Variants in EYS observed in about 807,000 individuals in gnomAD.
EYS encodes the protein EGF-like photoreceptor maintenance factor, also known as protein eyes shut homolog.
Under a neutral mutation model 282.1 loss-of-function variants are expected in EYS, and 250 were observed. The observed-to-expected ratio is 0.89, with a 90% confidence interval of 0.80 to 0.98. The LOEUF is 0.98. Ranked by LOEUF, EYS falls within the 50% of genes least tolerant of loss-of-function variation. The pLI is 0.00. For missense variants in EYS, 4,016 were observed against 3,709.0 expected (o/e 1.08, Z -2.15); for synonymous variants, 1,355 against 1,282.9 (o/e 1.06, Z -1.20).
At chr6:65,671,676 A>T (rs1768394839) in intron 1 of EYS, among the ~76,000 whole-genome samples, 1 of 152,112 alleles carries the variant, frequency 6.6e-6, no homozygotes, top group Admixed American at 6.6e-5. Context: ...GAGACCAGCC[A>T]AGAGACTCCT....
chr6:64,099,041 A>T (rs1772734569), intron 31 of EYS, among the ~76,000 whole-genome samples: 1 of 152,196 alleles, frequency 6.6e-6, no homozygotes, highest in African/African-American at 2.4e-5. Context: ...AACACTTATA[A>T]GGCCACAGTG....
intron 35 of EYS, among the ~76,000 whole-genome samples, chr6:63,909,565 A>G (rs1195142326): frequency 1.3e-5 from 2 of 152,236 alleles, no homozygotes; most frequent in South Asian, 2.1e-4. Flanking sequence ...GCTGGTTGAC[A>G]TCAAGTTGGT....
rs1770450977 is a variant in EYS, at chr6:63,789,370, G to C, written c.7412-146C>G. 6 of 739,636 alleles carry C rather than the reference G, an allele frequency of 8.1e-6. No individual in the cohort carries two copies. In the South Asian group the frequency reaches 1.4e-4, roughly 17 times the overall value. The allele number at this position is 739,636 out of a possible 1,614,324, so 45.8% of individuals were successfully genotyped here. A position where few individuals can be genotyped will look rare whatever the true frequency, so the allele number is the denominator to read the frequency against. Reference sequence around the variant, plus strand: ...GTCTCTAGTCAGCATTTAGGTATATGTGCAACTGGCTGTTGTTATTCCCAG... The same window carrying C: ...GTCTCTAGTCAGCATTTAGGTATATCTGCAACTGGCTGTTGTTATTCCCAG... On this transcript the variant is annotated intron_variant, in intron 37 of 42. Coordinates refer to ENST00000503581, the MANE Select transcript of EYS (RefSeq NM_001142800.2).
chr6:65,067,616 A>G (rs936708999), intron 12 of EYS, among the ~76,000 whole-genome samples: 3 of 152,074 alleles, frequency 2.0e-5, no homozygotes, highest in African/African-American at 7.2e-5. Flanking sequence ...TATTAACTAG[A>G]AAACATAATT....
intron 12 of EYS, among the ~76,000 whole-genome samples, chr6:65,254,051 A>C (rs1767396164): frequency 6.6e-6 from 1 of 151,920 alleles, no homozygotes; most frequent in African/African-American, 2.4e-5. Flanking sequence ...AGAACTTCAA[A>C]GTTTCTAAGA....
intron 13 of EYS, among the ~76,000 whole-genome samples, chr6:65,025,403 T>C: frequency 6.6e-6 from 1 of 152,242 alleles, no homozygotes; most frequent in East Asian, 1.9e-4. Context: ...TTAGTGAATG[T>C]ATAAATCTGA....
chr6:65,372,830 G>A (rs1765213986), intron 8 of EYS, among the ~76,000 whole-genome samples: 1 of 152,036 alleles, frequency 6.6e-6, no homozygotes, highest in Admixed American at 6.6e-5. Context: ...GCATGACTTA[G>A]AATTAATAAG....
chr6:65,306,439 C>A (rs1769005753), intron 11 of EYS, among the ~76,000 whole-genome samples: 1 of 152,082 alleles, frequency 6.6e-6, no homozygotes, highest in South Asian at 2.1e-4. Flanking sequence ...TTCTCCAAAG[C>A]AGGGGTAGAA....
intron 33 of EYS, among the ~76,000 whole-genome samples, chr6:64,007,630 A>G (rs1455892781): frequency 6.6e-6 from 1 of 152,128 alleles, no homozygotes; most frequent in Non-Finnish European, 1.5e-5. Flanking sequence ...ATTTAGCACT[A>G]TAACTTTCCC....
chr6:64,203,655 G>A (rs1304664530), intron 31 of EYS, among the ~76,000 whole-genome samples: 1 of 152,092 alleles, frequency 6.6e-6, no homozygotes, highest in Non-Finnish European at 1.5e-5. Flanking sequence ...GATGGAAAAA[G>A]AAAAGGAGGG....
intron 29 of EYS, among the ~76,000 whole-genome samples, chr6:64,368,788 T>C (rs1015841528): frequency 6.6e-6 from 1 of 152,224 alleles, no homozygotes; most frequent in Non-Finnish European, 1.5e-5. Flanking sequence ...AAATTTCTTA[T>C]AGATTCTGGA....
chr6:64,678,731 T>A (rs543981540), intron 22 of EYS, among the ~76,000 whole-genome samples: 1 of 152,212 alleles, frequency 6.6e-6, no homozygotes, highest in South Asian at 2.1e-4. Flanking sequence ...TCGCCTGTCA[T>A]CCCAGCACTT....
intron 5 of EYS, among the ~76,000 whole-genome samples, chr6:65,453,471 C>G (rs1199276177): frequency 6.6e-6 from 1 of 151,946 alleles, no homozygotes; most frequent in African/African-American, 2.4e-5. Context: ...CATAATGACC[C>G]AATCAGGGTA....
At chr6:63,898,019 CAAG>C (rs1252987193) in intron 35 of EYS, among the ~76,000 whole-genome samples, 3 of 152,098 alleles carry the variant, frequency 2.0e-5, no homozygotes, top group African/African-American at 7.2e-5. Flanking sequence ...GCAGTAGCAC[CAAG>C]AAGAATCTTG....
rs114091134 is a variant in EYS, at chr6:64,049,532, C to A, written c.6725+16806G>T. On this transcript the variant is annotated intron_variant, in intron 33 of 42. Coordinates refer to ENST00000503581, the MANE Select transcript of EYS (RefSeq NM_001142800.2). ...TTCCCATTGGATTGAATTTAGGTAC[C>A]ACTTTGAAAAGCATTAGAAACTAAA... 5.1e-3 allele frequency among the ~76,000 whole-genome samples: 777 copies of A among 152,230 alleles called. 7 individuals are homozygous for A. The highest frequency in any genetic ancestry group is 0.017 in the African/African-American group (714 of 41,552).
chr6:65,619,987 T>C (rs1766405198), intron 2 of EYS, among the ~76,000 whole-genome samples: 1 of 152,034 alleles, frequency 6.6e-6, no homozygotes, highest in Non-Finnish European at 1.5e-5. Context: ...TGCATCAATG[T>C]TCATCAAGGA....
intron 12 of EYS, among the ~76,000 whole-genome samples, chr6:65,094,282 A>G (rs1203095567): frequency 2.0e-5 from 3 of 149,984 alleles, no homozygotes; most frequent in African/African-American, 7.3e-5. Flanking sequence ...GGAGATTTTA[A>G]TACTCCACTT....
rs115745182 is a variant in EYS, at chr6:65,165,171, A to G, written c.2024-107444T>C. 6.4e-3 allele frequency among the ~76,000 whole-genome samples: 973 copies of G among 151,400 alleles called. 13 individuals are homozygous for G. Among genetic ancestry groups the G allele is most frequent in the African/African-American group, 0.022 (913 of 41,448 alleles). Reference sequence around the variant, plus strand: ...GTTCATGCAAGTATGTCAAAATACCATAACTCCATTAAGCTAACTCTTGAC... The same window carrying G: ...GTTCATGCAAGTATGTCAAAATACCGTAACTCCATTAAGCTAACTCTTGAC... On this transcript the variant is annotated intron_variant, in intron 12 of 42. Transcript: ENST00000503581.
chr6:65,582,682 GAAAT>G (rs554670772), intron 2 of EYS, among the ~76,000 whole-genome samples: 424 of 152,098 alleles, frequency 2.8e-3, no homozygotes, highest in Middle Eastern at 0.01. Flanking sequence ...TGATTCTACA[GAAAT>G]AAATAAACTC....
Sources: allele counts gnomAD v4.1 joint callset (sites outside exome capture counted in the v4.1 genomes callset), GRCh38; gene constraint gnomAD v4.1.1; transcripts MANE v1.5; gene names NCBI Gene and HGNC (gene_info 2026-07-23, HGNC 2026-07-21).